RBFOX1: variants seen among roughly 807,000 people sequenced by gnomAD.
RBFOX1 encodes the protein RNA binding protein fox-1 homolog 1.
In RBFOX1, 8 loss-of-function variants were observed where a neutral mutation model predicts 57.7. The ratio of observed to expected loss-of-function variants is 0.14; its 90% CI spans 0.08 to 0.25. The LOEUF (loss-of-function observed/expected upper bound fraction) is 0.25. Among genes scored for constraint, RBFOX1 ranks in the 10% least tolerant of loss-of-function variants. The probability of loss-of-function intolerance (pLI) is 1.00; values close to 1 mark genes in which losing one functional copy is unlikely to be tolerated. For synonymous variants in RBFOX1, 326 were observed against 222.4 expected (o/e 1.47, Z -4.15); for missense variants, 611 against 548.5 (o/e 1.11, Z -1.14).
At chr16:5,330,155 T>A (rs916254932) in intron 1 of RBFOX1, among the ~76,000 whole-genome samples, 1 of 152,154 alleles carries the variant, frequency 6.6e-6, no homozygotes, top group African/African-American at 2.4e-5. Flanking sequence ...ATACCATCGC[T>A]TTCTGGGTTG....
At chr16:7,147,958 G>C (rs2075355275) in intron 4 of RBFOX1, among the ~76,000 whole-genome samples, 1 of 152,144 alleles carries the variant, frequency 6.6e-6, no homozygotes, top group Non-Finnish European at 1.5e-5. Context: ...CTTCCTCAAG[G>C]AGTAATGCCT....
intron 4 of RBFOX1, among the ~76,000 whole-genome samples, chr16:6,004,904 C>A (rs901069927): frequency 6.6e-6 from 1 of 152,102 alleles, no homozygotes. Flanking sequence ...GTCAAGCGTG[C>A]AGTGTGTTAG....
intron 1 of RBFOX1, among the ~76,000 whole-genome samples, chr16:5,257,904 G>C (rs1257413394): frequency 1.3e-5 from 2 of 152,078 alleles, no homozygotes; most frequent in Non-Finnish European, 2.9e-5. Context: ...TTTGAGACAG[G>C]GTCTAACTCT....
chr16:6,708,970 G>A (rs934098344), intron 3 of RBFOX1, among the ~76,000 whole-genome samples: 2 of 145,226 alleles, frequency 1.4e-5, no homozygotes, highest in African/African-American at 5.0e-5. Context: ...GTTAATTTCA[G>A]CAAGCTTTTC....
intron 1 of RBFOX1, among the ~76,000 whole-genome samples, chr16:6,273,067 C>T (rs902794261): frequency 2.0e-5 from 3 of 151,968 alleles, no homozygotes; most frequent in Non-Finnish European, 2.9e-5. Flanking sequence ...CAAGACCAGC[C>T]TGGCCAACAT....
chr16:6,309,135 A>G (rs1047583533), intron 1 of RBFOX1, among the ~76,000 whole-genome samples: 3 of 152,072 alleles, frequency 2.0e-5, no homozygotes, highest in African/African-American at 7.2e-5. Flanking sequence ...GGCCTGTCTT[A>G]TGTACTCGGT....
At chr16:7,464,790 A>G (rs1470684436) in intron 4 of RBFOX1, among the ~76,000 whole-genome samples, 3 of 133,014 alleles carry the variant, frequency 2.3e-5, no homozygotes, top group Admixed American at 9.2e-5. Flanking sequence ...TCCGCCTCCC[A>G]GGTTCACGCC....
At chr16:6,616,976 ACCTTATGT>A (rs1315270580) in intron 2 of RBFOX1, among the ~76,000 whole-genome samples, 1 of 152,104 alleles carries the variant, frequency 6.6e-6, no homozygotes, top group Non-Finnish European at 1.5e-5. Flanking sequence ...TGCAACAGAG[ACCTTATGT>A]CCTGGCTTTG....
intron 3 of RBFOX1, among the ~76,000 whole-genome samples, chr16:5,852,487 C>T (rs1438266012): frequency 6.6e-6 from 1 of 152,174 alleles, no homozygotes; most frequent in African/African-American, 2.4e-5. Flanking sequence ...ACTTTTATAC[C>T]ATCGTCTCAG....
At chr16:5,433,273 G>C (rs1381746543) in intron 1 of RBFOX1, among the ~76,000 whole-genome samples, 2 of 152,184 alleles carry the variant, frequency 1.3e-5, no homozygotes, top group Non-Finnish European at 2.9e-5. Context: ...GAGGCCCCTT[G>C]ACTGCAGGCC....
intron 4 of RBFOX1, among the ~76,000 whole-genome samples, chr16:7,212,041 G>A (rs941335252): frequency 1.3e-5 from 2 of 152,068 alleles, no homozygotes; most frequent in Non-Finnish European, 1.5e-5. Flanking sequence ...CTGGAAAAGT[G>A]GGGCCAAGAA....
chr16:7,148,396 C>T (rs1392918937), intron 4 of RBFOX1, among the ~76,000 whole-genome samples: 4 of 152,148 alleles, frequency 2.6e-5, no homozygotes, highest in African/African-American at 4.8e-5. Context: ...CCAACACTCC[C>T]CTCTTTTGAA....
chr16:7,187,438 C>G (rs961959423), intron 4 of RBFOX1, among the ~76,000 whole-genome samples: 9 of 151,544 alleles, frequency 5.9e-5, no homozygotes, highest in African/African-American at 2.2e-4. Flanking sequence ...GCCTGTAATC[C>G]CAGCACTTTG....
Position 7,585,350 on chromosome 16 carries a change from A to G in RBFOX1, c.415-1897A>G, listed in dbSNP as rs1238123219. 2.6e-5 allele frequency among the ~76,000 whole-genome samples: 4 copies of G among 152,282 alleles called. No homozygotes were observed. The East Asian group carries it at 7.7e-4, about 29-fold the overall frequency. ...CACTGAAAATGCTCTGTAAAGGAAT[A>G]TTCTCTTGACCAAAAGATCTAAGTC... is the stretch of plus-strand genomic sequence containing the variant. On this transcript the variant is annotated intron_variant, in intron 6 of 15. Coordinates refer to ENST00000550418, the MANE Select transcript of RBFOX1 (RefSeq NM_018723.4).
chr16:7,604,207 G>T (rs189142709), intron 9 of RBFOX1, among the ~76,000 whole-genome samples: 31 of 152,268 alleles, frequency 2.0e-4, no homozygotes, highest in Admixed American at 7.8e-4. Context: ...TTTCATGAGT[G>T]GGGGGAGAAG....
chr16:6,828,807 G>C (rs748370221), intron 3 of RBFOX1, among the ~76,000 whole-genome samples: 16 of 152,068 alleles, frequency 1.1e-4, no homozygotes, highest in Non-Finnish European at 1.9e-4. Flanking sequence ...GTGTAAAAAT[G>C]GATGGCATCA....
chr16:7,467,642 C>T (rs546155228), intron 4 of RBFOX1, among the ~76,000 whole-genome samples: 1 of 152,124 alleles, frequency 6.6e-6, no homozygotes, highest in Admixed American at 6.5e-5. Context: ...TAAGAGTGAC[C>T]TTGCTAGGGT....
chr16:6,195,719 T>A (rs943749202), intron 1 of RBFOX1, among the ~76,000 whole-genome samples: 3 of 151,416 alleles, frequency 2.0e-5, no homozygotes, highest in Non-Finnish European at 4.4e-5. Flanking sequence ...AACTCTGTCT[T>A]TAAAAAAGAA....
chr16:5,850,804 G>T (rs938155384), intron 3 of RBFOX1, among the ~76,000 whole-genome samples: 1 of 152,184 alleles, frequency 6.6e-6, no homozygotes, highest in African/African-American at 2.4e-5. Context: ...ATCTCGAAAG[G>T]GCCCCGGGCC....
Sources: allele counts gnomAD v4.1 joint callset (sites outside exome capture counted in the v4.1 genomes callset), GRCh38; gene constraint gnomAD v4.1.1; transcripts MANE v1.5; gene names NCBI Gene and HGNC (gene_info 2026-07-23, HGNC 2026-07-21).